Variants in ZBTB25 observed in about 807,000 individuals in gnomAD.
ZBTB25 encodes zinc finger and BTB domain-containing protein 25.
Under a neutral mutation model 34.2 loss-of-function variants are expected in ZBTB25, and 20 were observed. The observed-to-expected ratio is 0.58, with a 90% CI of 0.41 to 0.85. The LOEUF is 0.85. Ranked by LOEUF, ZBTB25 falls within the 40% of genes least tolerant of loss-of-function variation. The pLI, the probability that ZBTB25 is intolerant of heterozygous loss-of-function variation, is 0.00. For synonymous variants in ZBTB25, 175 were observed against 186.4 expected (o/e 0.94, Z 0.50); for missense variants, 437 against 521.8 (o/e 0.84, Z 1.58).
chr14:64,504,543 T>C, upstream of ZBTB25: 1 of 181,064 alleles, frequency 5.5e-6, no homozygotes, highest in Non-Finnish European at 1.1e-5. Flanking sequence ...GCCCCCGCGG[T>C]GCGGGTTGCG....
chr14:64,461,992 T>C (rs2078561496), intron 2 of ZBTB25: 1 of 152,182 alleles, frequency 6.6e-6, no homozygotes, highest in South Asian at 2.1e-4. Flanking sequence ...TGCAGTCTTG[T>C]CAGATATGGT....
chr14:64,487,234 CTG>C lies in ZBTB25; in HGVS notation c.995_996del (p.Thr332ArgfsTer8). On this transcript the variant is annotated frameshift_variant, in exon 3 of 3. Coordinates refer to ENST00000608382, the MANE Select transcript of ZBTB25 (RefSeq NM_006977.5). LOFTEE classifies it high-confidence loss of function. ...AAATTACAGTTTAATTCTACTGGCT[CTG>C]TGTCTTTGGAGATCAAAGATACTTG... ...ISQVSLISKD[T>X]EPVELNCNFS... is the part of the protein sequence containing the mutation. The C allele has an allele frequency of 6.2e-7, 1 of 1,614,136 alleles. No individual in the cohort carries two copies. Among genetic ancestry groups the C allele is most frequent in the Non-Finnish European group, 8.5e-7 (1 of 1,180,054 alleles).
rs922883987 is a variant in ZBTB25 at position 64,490,410 on chromosome 14, G to A, written c.124C>T (p.Leu42Phe). Residue 42 changes from leucine (L) to phenylalanine (F), a missense_variant, in exon 2 of 3, where the codon CTT (leucine) becomes TTT (phenylalanine). By Grantham distance (22) the Leu-to-Phe change is conservative. Transcript: ENST00000608382. Reference protein sequence around the residue: ...DVYFKAHRAVLAAFSNYFKMI... With the variant: ...DVYFKAHRAVFAAFSNYFKMI... ...TTGAAATAGTTAGAAAAAGCAGCAAGCACTGCTCTGTGGGCTTTGAAGTAA... is the reference window on the plus strand; with the variant it reads ...TTGAAATAGTTAGAAAAAGCAGCAAACACTGCTCTGTGGGCTTTGAAGTAA... 16 of 1,612,048 alleles carry A rather than the reference G, an allele frequency of 9.9e-6. No individual in the cohort carries two copies. The highest frequency in any genetic ancestry group is 6.7e-5 in the Admixed American group (4 of 59,948).
At chr14:64,469,137 GC>G in intron 2 of ZBTB25, 1 of 1,614,106 alleles carries the variant, frequency 6.2e-7, no homozygotes, top group Non-Finnish European at 8.5e-7. Flanking sequence ...CAGCAAGCAA[GC>G]CCACTTGAAA....
chr14:64,492,197 A>ATATTAT (rs60636820), intron 1 of ZBTB25, among the ~76,000 whole-genome samples: 2,486 of 135,524 alleles, frequency 0.018, 20 homozygotes, highest in Middle Eastern at 0.031. Flanking sequence ...TCCCCAAGTT[A>ATATTAT]TATTATTATT....
intron 2 of ZBTB25, chr14:64,458,031 C>G (rs1056631584): frequency 6.3e-6 from 4 of 633,816 alleles, no homozygotes; most frequent in Non-Finnish European, 1.1e-5. Context: ...GCTGGAACTA[C>G]AGGCACATGC....
intron 2 of ZBTB25, chr14:64,470,513 C>T (rs866527998): frequency 6.3e-5 from 10 of 159,552 alleles, no homozygotes; most frequent in African/African-American, 2.4e-4. Context: ...TTGCTTGAAC[C>T]CGAGAGGTGG....
At chr14:64,459,861 T>C (rs1169803186) in intron 2 of ZBTB25, 28 of 1,535,980 alleles carry the variant, frequency 1.8e-5, no homozygotes, top group Admixed American at 3.9e-5. Flanking sequence ...AGTCAGCCCC[T>C]GCCCAGAAGA....
At chr14:64,476,732 A>G (rs1378754861), downstream of ZBTB25, among the ~76,000 whole-genome samples, 1 of 146,058 alleles carries the variant, frequency 6.8e-6, no homozygotes, top group African/African-American at 2.4e-5. Flanking sequence ...GACTCAATTC[A>G]GGTAAAAAAA....
chr14:64,500,454 C>CAAAAAAAAAAAA (rs374975040), intron 1 of ZBTB25, among the ~76,000 whole-genome samples: 14 of 52,044 alleles, frequency 2.7e-4, no homozygotes, highest in African/African-American at 1.1e-3. Context: ...CCCAATAAAG[C>CAAAAAAAAAAAA]AAAAAAAAAA....
intron 2 of ZBTB25, among the ~76,000 whole-genome samples, chr14:64,455,790 T>G (rs1156395840): frequency 1.3e-5 from 2 of 152,252 alleles, no homozygotes; most frequent in Non-Finnish European, 2.9e-5. Context: ...GATCTTGGCC[T>G]TGGGCAAATT....
chr14:64,464,036 ATT>A (rs3062428), intron 2 of ZBTB25, among the ~76,000 whole-genome samples: 6 of 145,474 alleles, frequency 4.1e-5, no homozygotes, highest in Non-Finnish European at 3.0e-5. Context: ...GGCTGACTGA[ATT>A]TTTTTTTTTT....
At chr14:64,503,523 C>T in intron 1 of ZBTB25, 138 bp downstream of exon 1, 1 of 985,876 alleles carries the variant, frequency 1.0e-6, no homozygotes, top group South Asian at 4.7e-5. Flanking sequence ...ACATCTCAAT[C>T]GGACCAAAAA....
rs1161519343 is a variant in ZBTB25 at position 64,486,121 on chromosome 14, A to C, written c.*802T>G. On this transcript the variant is annotated 3_prime_UTR_variant, in exon 3 of 3. Coordinates refer to ENST00000608382, the MANE Select transcript of ZBTB25 (RefSeq NM_006977.5). ...GAGACCATCCTGGCTAACACGGTGAAACCCCGTCTCTACTAAAAAAATACA... is the reference window on the plus strand; with the variant it reads ...GAGACCATCCTGGCTAACACGGTGACACCCCGTCTCTACTAAAAAAATACA... The C allele has an allele frequency of 4.2e-6, 3 of 706,980 alleles. No individual in the cohort carries two copies. The highest frequency in any genetic ancestry group is 1.9e-5 in the African/African-American group (1 of 51,348). 43.8% of individuals were successfully genotyped at this position (706,980 alleles called of 1,614,324 possible).
Position 64,469,043 on chromosome 14 carries a change from G to C in ZBTB25, c.174-19405C>G, listed in dbSNP as rs768808033. ...AGTGATTTCAGTAGAACTTGGATTA[G>C]ATAATGGGCATTCTGCTATTCAAAC... On this transcript the variant is annotated intron_variant, in intron 2 of 2. Transcript: ENST00000555220. 2 of 1,614,166 alleles carry C rather than the reference G, an allele frequency of 1.2e-6. No homozygotes were observed. The highest frequency in any genetic ancestry group is 4.5e-5 in the East Asian group (2 of 44,882).
At chr14:64,462,718 T>A (rs1293307684) in intron 2 of ZBTB25, 1 of 152,206 alleles carries the variant, frequency 6.6e-6, no homozygotes, top group Non-Finnish European at 1.5e-5. Flanking sequence ...TTAAACAGAT[T>A]GCAACAGTAT....
Position 64,485,350 on chromosome 14 carries a change from A to C in ZBTB25, c.*1573T>G. On this transcript the variant is annotated 3_prime_UTR_variant, in exon 3 of 3. Coordinates refer to ENST00000608382, the MANE Select transcript of ZBTB25 (RefSeq NM_006977.5). The stretch of plus-strand genomic sequence containing the variant: ...TATTCAAATGCCCGTGAAGCTTAGA[A>C]TTTAACAAGAGGGCAAAAAAAGATG... 4.1e-6 allele frequency: 4 copies of C among 985,456 alleles called. No individual in the cohort carries two copies. The highest frequency in any genetic ancestry group is 4.8e-6 in the Non-Finnish European group (4 of 829,938). 61.0% of individuals were successfully genotyped at this position (985,456 alleles called of 1,614,324 possible).
At chr14:64,491,425 C>A (rs1474235307) in intron 1 of ZBTB25, among the ~76,000 whole-genome samples, 2 of 152,100 alleles carry the variant, frequency 1.3e-5, no homozygotes, top group African/African-American at 4.8e-5. Flanking sequence ...GTGATCACAC[C>A]ACTGCACTCC....
In ZBTB25 at chr14:64,454,996, C is replaced by T. The variant is rs151091838; in HGVS notation, c.174-5358G>A. 5.2e-5 allele frequency: 53 copies of T among 1,025,626 alleles called. No homozygotes were observed. In the Middle Eastern group the frequency reaches 1.4e-3, roughly 28 times the overall value. 63.5% of individuals were successfully genotyped at this position (1,025,626 alleles called of 1,614,324 possible). A position where few individuals can be genotyped will look rare whatever the true frequency, so the allele number is the denominator to read the frequency against. ...TCACTGCCCAGAAGAAAATTGGAAT[C>T]GGGCCTATTATGATTGCTGTGGATC... On this transcript the variant is annotated intron_variant, in intron 2 of 2. Transcript: ENST00000555220.
Sources: allele counts gnomAD v4.1 joint callset (sites outside exome capture counted in the v4.1 genomes callset), GRCh38; gene constraint gnomAD v4.1.1; transcripts MANE v1.5; gene names NCBI Gene and HGNC (gene_info 2026-07-23, HGNC 2026-07-21).